The following LAMA3 variants were observed in gnomAD, a reference collection of about 807,000 sequenced individuals.
LAMA3 encodes laminin subunit alpha 3, also known as laminin subunit alpha-3.
LAMA3 carries 281 observed loss-of-function variants against 402.0 expected under a neutral mutation model. That is an observed-to-expected ratio of 0.70 (90% CI 0.63 to 0.77). LAMA3 has a LOEUF of 0.77. Among genes scored for constraint, LAMA3 ranks in the 30% least tolerant of loss-of-function variants. The pLI, the probability that LAMA3 is intolerant of heterozygous loss-of-function variation, is 0.00. For missense variants in LAMA3, 3,840 were observed against 4,215.5 expected (o/e 0.91, Z 2.47); for synonymous variants, 1,431 against 1,558.4 (o/e 0.92, Z 1.93).
At chr18:23,831,961 A>G (rs533763320) in intron 23 of LAMA3, among the ~76,000 whole-genome samples, 1 of 152,240 alleles carries the variant, frequency 6.6e-6, no homozygotes, top group Non-Finnish European at 1.5e-5. Context: ...ACACACATAA[A>G]TAATCATAAC....
chr18:23,801,264 C>T (rs538601909), intron 12 of LAMA3, among the ~76,000 whole-genome samples: 3 of 152,030 alleles, frequency 2.0e-5, no homozygotes, highest in Non-Finnish European at 1.5e-5. Context: ...AAGATGAGAA[C>T]AAAAGACACT....
intron 66 of LAMA3, among the ~76,000 whole-genome samples, chr18:23,932,994 G>T (rs1178579449): frequency 6.6e-6 from 1 of 152,168 alleles, no homozygotes; most frequent in Non-Finnish European, 1.5e-5. Flanking sequence ...AGCAGGAGGT[G>T]GGAGGGATGG....
At position 23,732,084 on chromosome 18, in the gene LAMA3, C is replaced by T. The variant is rs543138574; in HGVS notation, c.448-15859C>T. On this transcript the variant is annotated intron_variant, in intron 2 of 74. Coordinates refer to ENST00000313654, the MANE Select transcript of LAMA3 (RefSeq NM_198129.4). The stretch of plus-strand genomic sequence containing the variant: ...TGGGCTGAACCAGTGCTTCCCAAAC[C>T]TTAGTGTGCATCTGGATCATTTATT... Among the ~76,000 whole-genome samples, 59 of 152,222 alleles carry T rather than the reference C, an allele frequency of 3.9e-4. No individual in the cohort carries two copies. The Middle Eastern group carries it at 0.017, about 44-fold the overall frequency.
chr18:23,906,998 T>C (rs956116572), intron 52 of LAMA3, among the ~76,000 whole-genome samples: 1 of 152,206 alleles, frequency 6.6e-6, no homozygotes, highest in Non-Finnish European at 1.5e-5. Context: ...TTAAAATGTG[T>C]CATTTTGGAA....
At chr18:23,704,665 G>GTGTT (rs921487782) in intron 1 of LAMA3, among the ~76,000 whole-genome samples, 2 of 152,114 alleles carry the variant, frequency 1.3e-5, no homozygotes, top group South Asian at 2.1e-4. Flanking sequence ...CCAGCTCTTA[G>GTGTT]TGTTTGTTTG....
intron 19 of LAMA3, 33 bp downstream of exon 19, chr18:23,820,030 G>A (rs1289696183): frequency 6.2e-7 from 1 of 1,611,882 alleles, no homozygotes; most frequent in South Asian, 1.1e-5. Context: ...CTTCATGGCT[G>A]AGTAGCTCAG....
intron 40 of LAMA3, among the ~76,000 whole-genome samples, chr18:23,882,396 G>A (rs1397874726): frequency 1.3e-5 from 2 of 152,066 alleles, no homozygotes; most frequent in Non-Finnish European, 2.9e-5. Context: ...TTAGAGGGCC[G>A]AGGAGGGCGG....
At position 23,839,746 on chromosome 18, in the gene LAMA3, T is replaced by G. The variant is rs1291495528; in HGVS notation, c.3192-39T>G. 6.2e-7 allele frequency: 1 copy of G among 1,611,762 alleles called. No homozygotes were observed. The highest frequency in any genetic ancestry group is 8.5e-7 in the Non-Finnish European group (1 of 1,177,858). Reference sequence around the variant, plus strand: ...GATGGTCAGTTCTGTAGCTTTGGGTTCTTTTAAAAATCAGATTTTTAAATA... The same window carrying G: ...GATGGTCAGTTCTGTAGCTTTGGGTGCTTTTAAAAATCAGATTTTTAAATA... On this transcript the variant is annotated intron_variant, in intron 26 of 74. Coordinates refer to ENST00000313654, the MANE Select transcript of LAMA3 (RefSeq NM_198129.4). The surrounding 1 kb of genome is among the most constrained non-coding windows in gnomAD (Gnocchi z 4.5).
chr18:23,691,391 T>C, intron 1 of LAMA3, among the ~76,000 whole-genome samples: 2 of 152,184 alleles, frequency 1.3e-5, no homozygotes, highest in South Asian at 4.1e-4. Flanking sequence ...TTATAAAACA[T>C]GCAAGAAAAG....
At chr18:23,796,096 G>C (rs1306844747) in intron 12 of LAMA3, 2 of 440,968 alleles carry the variant, frequency 4.5e-6, no homozygotes, top group African/African-American at 2.0e-5. Context: ...CCAGCACCTG[G>C]ATCTTGGACT....
At chr18:23,904,892 T>C (rs1191473917) in intron 51 of LAMA3, among the ~76,000 whole-genome samples, 198 bp downstream of exon 51, 3 of 152,264 alleles carry the variant, frequency 2.0e-5, no homozygotes, top group Non-Finnish European at 4.4e-5. Context: ...TTTAAAACTA[T>C]GTGTAAAACC....
intron 40 of LAMA3, among the ~76,000 whole-genome samples, chr18:23,882,734 A>G (rs1259639225): frequency 3.3e-5 from 5 of 152,030 alleles, no homozygotes; most frequent in Non-Finnish European, 5.9e-5. Flanking sequence ...TCGAGCACCC[A>G]TGACAGGGCC....
chr18:23,857,878 C>T lies in LAMA3; in HGVS notation c.4171C>T (p.Arg1391Ter), dbSNP rs771980627. The change falls in exon 33 of 75, where the codon CGA becomes TGA. Residue 1391 changes from arginine (R) to a stop codon, truncating the protein, a stop_gained. Coordinates refer to ENST00000313654, the MANE Select transcript of LAMA3 (RefSeq NM_198129.4). LOFTEE classifies it high-confidence loss of function. ...CAGAATCACAGGGCGGCAGTGTGAC[C>T]GATGTGCTTCCGGGTTTTACCGCTT... is the stretch of plus-strand genomic sequence containing the variant. Reference protein sequence around the residue: ...KPRITGRQCDRCASGFYRFPE... With the variant: ...KPRITGRQCD 15 of 1,614,092 alleles carry T rather than the reference C, an allele frequency of 9.3e-6. No individual in the cohort carries two copies. The highest frequency in any genetic ancestry group is 8.0e-5 in the African/African-American group (6 of 74,922).
intron 7 of LAMA3, among the ~76,000 whole-genome samples, chr18:23,760,586 G>A (rs2061947850): frequency 1.3e-5 from 2 of 152,080 alleles, no homozygotes; most frequent in South Asian, 2.1e-4. Flanking sequence ...ATTTTTCATT[G>A]TGGCAAAGAT....
intron 67 of LAMA3, among the ~76,000 whole-genome samples, chr18:23,934,962 T>G (rs943698528): frequency 6.6e-6 from 1 of 152,224 alleles, no homozygotes; most frequent in African/African-American, 2.4e-5. Context: ...GAAATATACT[T>G]CATAAATCCA....
chr18:23,815,066 T>G lies in LAMA3; in HGVS notation c.1889-122T>G, dbSNP rs562764373. On this transcript the variant is annotated intron_variant, in intron 15 of 74. Transcript: ENST00000313654. ...AGGCCTCAGCGATGCAAACTCTCAT[T>G]CTGTTGAACTGCGCTGGCAAGGCCA... The G allele has an allele frequency of 1.8e-5, 15 of 833,834 alleles. No individual in the cohort carries two copies. The Admixed American group carries it at 2.7e-4, about 15-fold the overall frequency. The allele number at this position is 833,834 out of a possible 1,614,324, so 51.7% of individuals were successfully genotyped here. A position where few individuals can be genotyped will look rare whatever the true frequency, so the allele number is the denominator to read the frequency against.
chr18:23,909,835 C>A (rs1203349836), intron 55 of LAMA3, among the ~76,000 whole-genome samples: 1 of 152,190 alleles, frequency 6.6e-6, no homozygotes, highest in Admixed American at 6.5e-5. Context: ...GGCATAAATA[C>A]AATTTCTTAT....
At chr18:23,753,675 T>G (rs768048429) in intron 5 of LAMA3, 46 bp from the exon 6 acceptor site, 1 of 1,458,646 alleles carries the variant, frequency 6.9e-7, no homozygotes, top group South Asian at 1.1e-5. Context: ...AGAAAGTTTT[T>G]GTCACTGTTC....
Position 23,753,759 on chromosome 18 carries a change from G to A in LAMA3, c.894G>A (p.Gln298=). The part of the protein sequence containing the change: ...YSIKDISIGG[Q]CVCNGHAEVC... ...TAAAGGACATCAGCATTGGTGGGCA[G>A]TGTGTTTGCAATGGCCATGCTGAAG... Residue 298 remains glutamine (Q), a synonymous_variant, in exon 6 of 75, where the codon CAG becomes CAA. Transcript: ENST00000313654. 2 of 1,614,044 alleles carry A rather than the reference G, an allele frequency of 1.2e-6. No homozygotes were observed. Among genetic ancestry groups the A allele is most frequent in the South Asian group, 1.1e-5 (1 of 91,078 alleles).
Sources: allele counts gnomAD v4.1 joint callset (sites outside exome capture counted in the v4.1 genomes callset), GRCh38; gene constraint gnomAD v4.1.1; non-coding constraint Gnocchi (gnomAD v3.1); transcripts MANE v1.5; gene names NCBI Gene and HGNC (gene_info 2026-07-23, HGNC 2026-07-21).